SUMF1: variants seen among roughly 807,000 people sequenced by gnomAD.
SUMF1 encodes the protein formylglycine-generating enzyme.
SUMF1 carries 48 observed loss-of-function variants against 47.6 expected under a neutral mutation model. That is an observed-to-expected ratio of 1.01 (90% CI 0.80 to 1.28). The LOEUF (loss-of-function observed/expected upper bound fraction) is 1.28, where lower values mean the gene tolerates loss of function less well. Among genes scored for constraint, SUMF1 ranks in the 50% most tolerant of loss-of-function variants. The pLI is 0.00. For synonymous variants in SUMF1, 230 were observed against 192.1 expected (o/e 1.20, Z -1.63); for missense variants, 571 against 485.4 (o/e 1.18, Z -1.66).
At chr3:4,250,188 G>T (rs1419485242) in intron 8 of SUMF1, among the ~76,000 whole-genome samples, 1 of 151,190 alleles carries the variant, frequency 6.6e-6, no homozygotes, top group Non-Finnish European at 1.5e-5. Context: ...GAGGGGGAAG[G>T]GGGAGGGAGT....
chr3:4,271,474 G>GATAGATAA (rs1697301203), intron 8 of SUMF1, among the ~76,000 whole-genome samples: 4 of 74,950 alleles, frequency 5.3e-5, no homozygotes, highest in African/African-American at 2.5e-4. Context: ...TCTATAGATA[G>GATAGATAA]ATAGATAGAT....
At chr3:4,232,626 A>T (rs1370213264) in intron 8 of SUMF1, among the ~76,000 whole-genome samples, 1 of 152,130 alleles carries the variant, frequency 6.6e-6, no homozygotes. Context: ...AATGAAAGAA[A>T]GCTATAACCA....
In SUMF1 at chr3:4,246,958, G is replaced by A. The variant is rs371353839; in HGVS notation, c.1014+129372C>T. 2.2e-4 allele frequency among the ~76,000 whole-genome samples: 33 copies of A among 152,174 alleles called. No individual in the cohort carries two copies. The East Asian group carries it at 3.7e-3, about 17-fold the overall frequency. On this transcript the variant is annotated intron_variant and NMD_transcript_variant, in intron 8 of 12. Coordinates refer to the SUMF1 transcript ENST00000448413. Reference sequence around the variant, plus strand: ...GGTATGTTTAGCCAGTTTTTTTCAGGGCTCATGAGTGCCTAGAAACTACGC... The same window carrying A: ...GGTATGTTTAGCCAGTTTTTTTCAGAGCTCATGAGTGCCTAGAAACTACGC...
intron 8 of SUMF1, among the ~76,000 whole-genome samples, chr3:4,262,584 T>G (rs182229467): frequency 6.6e-6 from 1 of 152,304 alleles, no homozygotes; most frequent in Non-Finnish European, 1.5e-5. Context: ...GGCTCCATTC[T>G]TACCCAAGAC....
chr3:4,460,627 A>T lies in SUMF1; in HGVS notation c.270+6349T>A, dbSNP rs1046111932. 2.8e-3 allele frequency among the ~76,000 whole-genome samples: 400 copies of T among 141,518 alleles called. 1 individual carries two copies. The highest frequency in any genetic ancestry group is 0.01 in the African/African-American group (384 of 37,576). The allele number at this position is 141,518 out of a possible 152,430, so 92.8% of individuals were successfully genotyped here. A position where few individuals can be genotyped will look rare whatever the true frequency, so the allele number is the denominator to read the frequency against. ...GTGTGTGTGTGTGTGTGTGTGTGAG[A>T]GTGTGTGTGTGTATATATATACATA... On this transcript the variant is annotated intron_variant, in intron 1 of 8. Coordinates refer to ENST00000272902, the MANE Select transcript of SUMF1 (RefSeq NM_182760.4).
chr3:4,145,122 G>A (rs1694162045), intron 8 of SUMF1, among the ~76,000 whole-genome samples: 1 of 151,328 alleles, frequency 6.6e-6, no homozygotes, highest in Admixed American at 6.6e-5. Context: ...GAACCCAGGA[G>A]GCGGAGCTTG....
intron 9 of SUMF1, among the ~76,000 whole-genome samples, chr3:4,060,673 C>G (rs1442110270): frequency 6.6e-6 from 1 of 151,408 alleles, no homozygotes; most frequent in Non-Finnish European, 1.5e-5. Context: ...TCAAGTTTTG[C>G]CATCAAATGA....
chr3:4,156,217 A>T (rs78485238), intron 8 of SUMF1, among the ~76,000 whole-genome samples: 5,348 of 151,522 alleles, frequency 0.035, 515 homozygotes, highest in African/African-American at 0.12. Context: ...CTCAAATTTG[A>T]CAAATGAAAA....
At chr3:4,220,509 A>G (rs1427820447) in intron 8 of SUMF1, among the ~76,000 whole-genome samples, 1 of 151,678 alleles carries the variant, frequency 6.6e-6, no homozygotes, top group Admixed American at 6.6e-5. Flanking sequence ...TTTCATTTTC[A>G]TTTGTTTCCT....
intron 8 of SUMF1, among the ~76,000 whole-genome samples, chr3:4,077,741 C>A (rs990971388): frequency 2.0e-5 from 3 of 151,970 alleles, no homozygotes; most frequent in African/African-American, 7.3e-5. Flanking sequence ...ACCAACATGG[C>A]ACATGTACAC....
intron 5 of SUMF1, 56 bp downstream of exon 5, chr3:4,417,954 G>A: frequency 6.2e-7 from 1 of 1,612,202 alleles, no homozygotes; most frequent in Non-Finnish European, 8.5e-7. Context: ...TTTTGTTGTT[G>A]TTTGTTTGTT....
chr3:4,387,662 C>G (rs747075418), intron 7 of SUMF1, among the ~76,000 whole-genome samples: 21 of 151,890 alleles, frequency 1.4e-4, no homozygotes, highest in Non-Finnish European at 2.5e-4. Context: ...CTGGGTCAAG[C>G]TGAAACATAT....
At chr3:4,446,224 T>C (rs1263789674) in intron 3 of SUMF1, among the ~76,000 whole-genome samples, 3 of 152,182 alleles carry the variant, frequency 2.0e-5, no homozygotes, top group African/African-American at 7.2e-5. Flanking sequence ...CCACCTGTCA[T>C]GGGAGGGACT....
intron 8 of SUMF1, among the ~76,000 whole-genome samples, chr3:4,355,349 T>G (rs1699595669): frequency 1.3e-5 from 2 of 152,166 alleles, no homozygotes; most frequent in African/African-American, 4.8e-5. Flanking sequence ...AGAGGAAGAT[T>G]CTGTCTCAGA....
intron 8 of SUMF1, among the ~76,000 whole-genome samples, chr3:4,083,839 C>CAAA (rs68132287): frequency 9.4e-5 from 9 of 95,972 alleles, no homozygotes; most frequent in Admixed American, 5.2e-4. Flanking sequence ...ACAGGCATGT[C>CAAA]AAAAAAAAAA....
intron 8 of SUMF1, among the ~76,000 whole-genome samples, chr3:4,092,046 T>C (rs7651626): frequency 0.15 from 22,817 of 152,030 alleles, 3,684 homozygotes; most frequent in African/African-American, 0.39. Context: ...GGAAATGCCT[T>C]GCTGGGTATC....
intron 8 of SUMF1, among the ~76,000 whole-genome samples, chr3:4,076,238 G>A (rs1692429684): frequency 1.3e-5 from 2 of 152,154 alleles, no homozygotes; most frequent in African/African-American, 2.4e-5. Flanking sequence ...AAGCAATGGG[G>A]AAAGGATTCC....
chr3:4,434,012 G>A (rs1013486263), intron 3 of SUMF1, among the ~76,000 whole-genome samples: 6 of 152,248 alleles, frequency 3.9e-5, no homozygotes, highest in African/African-American at 1.2e-4. Context: ...CCTTGAGGAC[G>A]TGATGCTGAG....
intron 2 of SUMF1, among the ~76,000 whole-genome samples, chr3:4,451,059 A>G (rs1286566643): frequency 6.6e-6 from 1 of 152,068 alleles, no homozygotes; most frequent in Non-Finnish European, 1.5e-5. Context: ...TCTCAGAATA[A>G]AATGTTTAAA....
Sources: allele counts gnomAD v4.1 joint callset (sites outside exome capture counted in the v4.1 genomes callset), GRCh38; gene constraint gnomAD v4.1.1; transcripts MANE v1.5; gene names NCBI Gene and HGNC (gene_info 2026-07-23, HGNC 2026-07-21).